MYSM1: variants seen among roughly 807,000 people sequenced by gnomAD.
MYSM1 encodes deubiquitinase MYSM1.
In MYSM1, 51 loss-of-function variants were observed where a neutral mutation model predicts 116.0. The observed-to-expected ratio is 0.44, with a 90% CI of 0.35 to 0.56. The LOEUF is 0.56. Among genes scored for constraint, MYSM1 ranks in the 20% least tolerant of loss-of-function variants. The probability of loss-of-function intolerance (pLI) is 0.00; values close to 1 mark genes in which losing one functional copy is unlikely to be tolerated. For synonymous variants in MYSM1, 313 were observed against 315.2 expected (o/e 0.99, Z 0.07); for missense variants, 900 against 974.9 (o/e 0.92, Z 1.02).
chr1:58,671,994 A>G lies in MYSM1; in HGVS notation c.1573-36T>C. On this transcript the variant is annotated intron_variant, in intron 11 of 19. Transcript: ENST00000472487. ...ATGCCAATTGATTAAGGAGTCCATCATCTACTAAGAGGCAGAATAAAAATA... is the reference window on the plus strand; with the variant it reads ...ATGCCAATTGATTAAGGAGTCCATCGTCTACTAAGAGGCAGAATAAAAATA... 2.6e-6 allele frequency: 4 copies of G among 1,514,564 alleles called. No individual in the cohort carries two copies. The Middle Eastern group carries it at 5.1e-4, about 194-fold the overall frequency. 93.8% of individuals were successfully genotyped at this position (1,514,564 alleles called of 1,614,324 possible).
Position 58,667,116 on chromosome 1 carries a change from A to T in MYSM1, c.1953T>A (p.Val651=). 4 of 1,613,718 alleles carry T rather than the reference A, an allele frequency of 2.5e-6. No individual in the cohort carries two copies. The highest frequency in any genetic ancestry group is 3.4e-6 in the Non-Finnish European group (4 of 1,179,752). ...CAGGATGAGAATGATACCATCCAAT[A>T]ACACTGAAGCCTCTAACAGCCAAGG... The part of the protein sequence containing the change: ...SETLAVRGFS[V]IGWYHSHPAF... The change falls in exon 16 of 20, where the codon GTT becomes GTA. Residue 651 remains valine, a synonymous_variant. Transcript: ENST00000472487.
rs6143231 is a variant in MYSM1 at position 58,680,026 on chromosome 1, C to CAA, written c.1259+1757_1259+1758dup. Among the ~76,000 whole-genome samples, 110 of 126,832 alleles carry CAA rather than the reference C, an allele frequency of 8.7e-4. 1 individual carries two copies. The highest frequency in any genetic ancestry group is 2.1e-3 in the African/African-American group (69 of 32,536). The allele number at this position is 126,832 out of a possible 152,430, so 83.2% of individuals were successfully genotyped here. Reference sequence around the variant, plus strand: ...TGGGAGAAAGAGTGAGACTCTGTCTCAAAAAAAAAAAAAAAAAAAAAAAGG... The same window carrying CAA: ...TGGGAGAAAGAGTGAGACTCTGTCTCAAAAAAAAAAAAAAAAAAAAAAAAAGG... On this transcript the variant is annotated intron_variant, in intron 8 of 19. Coordinates refer to ENST00000472487, the MANE Select transcript of MYSM1 (RefSeq NM_001085487.3).
At chr1:58,687,186 AT>A (rs1644839021) in intron 6 of MYSM1, among the ~76,000 whole-genome samples, 2 of 152,188 alleles carry the variant, frequency 1.3e-5, no homozygotes, top group South Asian at 4.1e-4. Context: ...TAATAATTCC[AT>A]GCTTGTTGTG....
intron 12 of MYSM1, 55 bp downstream of exon 12, chr1:58,671,815 A>G (rs1644566008): frequency 1.6e-6 from 2 of 1,282,846 alleles, no homozygotes; most frequent in East Asian, 4.8e-5. Context: ...TTTTTCATAT[A>G]TTATCTAGCC....
chr1:58,680,130 A>G (rs796546051), intron 8 of MYSM1, among the ~76,000 whole-genome samples: 86 of 151,942 alleles, frequency 5.7e-4, no homozygotes, highest in African/African-American at 2.0e-3. Context: ...TTGGCCATTC[A>G]CCCTCTTATT....
chr1:58,687,646 C>A (rs999777180), intron 6 of MYSM1, among the ~76,000 whole-genome samples: 1 of 152,010 alleles, frequency 6.6e-6, no homozygotes, highest in African/African-American at 2.4e-5. Context: ...AAACAAAGGC[C>A]CAACTAAAGA....
intron 16 of MYSM1, among the ~76,000 whole-genome samples, chr1:58,666,630 T>C (rs914141355): frequency 2.0e-5 from 3 of 151,026 alleles, no homozygotes; most frequent in African/African-American, 4.9e-5. Context: ...CCCAGCACTT[T>C]TGGAGGCCGA....
At chr1:58,677,165 A>C (rs1644667131) in intron 8 of MYSM1, 109 bp from the exon 9 acceptor site, 12 of 887,768 alleles carry the variant, frequency 1.4e-5, no homozygotes, top group Non-Finnish European at 2.0e-5. Context: ...AACCCCTTTC[A>C]ATGTATAAAT....
chr1:58,680,759 A>G (rs1263120746), intron 8 of MYSM1, among the ~76,000 whole-genome samples: 1 of 152,248 alleles, frequency 6.6e-6, no homozygotes, highest in Non-Finnish European at 1.5e-5. Context: ...AGCTCTCTGT[A>G]AAGATGGCCC....
chr1:58,684,416 T>C (rs373797669), intron 7 of MYSM1, among the ~76,000 whole-genome samples: 3 of 151,594 alleles, frequency 2.0e-5, no homozygotes, highest in African/African-American at 7.3e-5. Context: ...ATACAAAAAA[T>C]TGGCCAGGTG....
At chr1:58,669,323 A>AT (rs1223136416) in intron 12 of MYSM1, among the ~76,000 whole-genome samples, 1 of 152,186 alleles carries the variant, frequency 6.6e-6, no homozygotes. Flanking sequence ...GTCCCACACT[A>AT]AAAGCAGATT....
Position 58,658,503 on chromosome 1 carries a change from T to G in MYSM1, c.*1494A>C, listed in dbSNP as rs1322810993. 2.0e-5 allele frequency: 3 copies of G among 152,168 alleles called. No homozygotes were observed. 9.4% of individuals were successfully genotyped at this position (152,168 alleles called of 1,614,324 possible). A position where few individuals can be genotyped will look rare whatever the true frequency, so the allele number is the denominator to read the frequency against. ...GAATTAAGGCTCAGGGAAAGTAAACTGTATCTCCCCAAATCACAAAGTTGA... is the reference window on the plus strand; with the variant it reads ...GAATTAAGGCTCAGGGAAAGTAAACGGTATCTCCCCAAATCACAAAGTTGA... On this transcript the variant is annotated 3_prime_UTR_variant, in exon 20 of 20. Transcript: ENST00000472487.
rs766815751 is a variant in MYSM1 at position 58,682,353 on chromosome 1, C to T, written c.691G>A (p.Glu231Lys). ...EEVDITDEVD[E>K]LSSQTPQKNS... ...TTCTGGGGTGTTTGAGAAGACAACT[C>T]GTCCACCTCATCTGTGATGTCTACT... Residue 231 changes from glutamate (E) to lysine (K), a missense_variant, in exon 8 of 20, where the codon GAG becomes AAG. Glu to Lys is a moderately conservative substitution (Grantham distance 56, BLOSUM62 1). Coordinates refer to ENST00000472487, the MANE Select transcript of MYSM1 (RefSeq NM_001085487.3). 12 of 1,613,944 alleles carry T rather than the reference C, an allele frequency of 7.4e-6. No homozygotes were observed. Among genetic ancestry groups the T allele is most frequent in the South Asian group, 3.3e-5 (3 of 91,088 alleles).
intron 15 of MYSM1, 74 bp downstream of exon 15, chr1:58,667,773 T>G: frequency 5.7e-6 from 5 of 881,530 alleles, no homozygotes; most frequent in Non-Finnish European, 7.5e-6. Flanking sequence ...TTATATTAAC[T>G]GAATTCTATA....
intron 17 of MYSM1, among the ~76,000 whole-genome samples, chr1:58,664,329 C>T (rs1644436734): frequency 6.6e-6 from 1 of 152,160 alleles, no homozygotes; most frequent in Non-Finnish European, 1.5e-5. Flanking sequence ...TCAAAATGGA[C>T]ATTCCAGACT....
intron 6 of MYSM1, among the ~76,000 whole-genome samples, chr1:58,687,510 A>G (rs1429455716): frequency 1.3e-5 from 2 of 152,212 alleles, no homozygotes; most frequent in African/African-American, 2.4e-5. Flanking sequence ...ATGTAAGCAT[A>G]TATGTTAGTA....
intron 8 of MYSM1, among the ~76,000 whole-genome samples, chr1:58,678,474 G>A (rs1644688941): frequency 6.6e-6 from 1 of 152,034 alleles, no homozygotes; most frequent in South Asian, 2.1e-4. Context: ...CTAAAAATAT[G>A]TTCATGGAAT....
In MYSM1 at chr1:58,682,327, C is replaced by T; in HGVS notation, c.717G>A (p.Lys239=). 6.2e-7 allele frequency: 1 copy of T among 1,613,942 alleles called. No homozygotes were observed. Among genetic ancestry groups the T allele is most frequent in the Non-Finnish European group, 8.5e-7 (1 of 1,179,900 alleles). ...VDELSSQTPQ[K]NSSSDLLLDF... ...CTAACAAGAGATCACTGCTAGAATT[C>T]TTCTGGGGTGTTTGAGAAGACAACT... The change falls in exon 8 of 20, where the codon AAG becomes AAA. Residue 239 remains lysine (K), a synonymous_variant. Transcript: ENST00000472487.
intron 10 of MYSM1, among the ~76,000 whole-genome samples, chr1:58,674,055 A>C (rs1644605950): frequency 6.6e-6 from 1 of 152,124 alleles, no homozygotes; most frequent in African/African-American, 2.4e-5. Context: ...TTTGAGACGG[A>C]GTCTCACTGT....
Sources: allele counts gnomAD v4.1 joint callset (sites outside exome capture counted in the v4.1 genomes callset), GRCh38; gene constraint gnomAD v4.1.1; transcripts MANE v1.5; gene names NCBI Gene and HGNC (gene_info 2026-07-23, HGNC 2026-07-21).